Variants in SVIL observed in about 807,000 individuals in gnomAD.
SVIL encodes the protein supervillin.
In SVIL, 101 loss-of-function variants were observed where a neutral mutation model predicts 240.4. The observed-to-expected ratio is 0.42, with a 90% CI of 0.36 to 0.50. The LOEUF (loss-of-function observed/expected upper bound fraction) is 0.50. Among genes scored for constraint, SVIL ranks in the 20% least tolerant of loss-of-function variants. The pLI is 0.01. For synonymous variants in SVIL, 999 were observed against 1,100.0 expected (o/e 0.91, Z 1.82); for missense variants, 2,512 against 2,818.7 (o/e 0.89, Z 2.46).
At chr10:29,659,035 G>A (rs555795897) in intron 2 of SVIL, among the ~76,000 whole-genome samples, 1 of 152,282 alleles carries the variant, frequency 6.6e-6, no homozygotes, top group Non-Finnish European at 1.5e-5. Flanking sequence ...AAAGAGTGAG[G>A]GGAAACCCCA....
chr10:29,550,641 G>T lies in SVIL; in HGVS notation c.783C>A (p.Ser261Arg). Residue 261 changes from serine to arginine, a missense_variant, in exon 6 of 38, where the codon AGC (serine) becomes AGA (arginine). Physicochemically the swap from Ser to Arg is moderately radical, Grantham distance 110. Coordinates refer to ENST00000355867, the MANE Select transcript of SVIL (RefSeq NM_021738.3). ...ATAGCTGTGGGTCACCAAAGGAGGG[G>T]CTCCGGGAGGCTGCCTGCTGCAGGG... is the stretch of plus-strand genomic sequence containing the variant. ...SSSLQQAASR[S>R]PSFGDPQLSP... The T allele has an allele frequency of 6.2e-7, 1 of 1,613,656 alleles. No individual in the cohort carries two copies. The highest frequency in any genetic ancestry group is 8.5e-7 in the Non-Finnish European group (1 of 1,179,764).
chr10:29,514,612 C>T (rs1950087684), intron 16 of SVIL, among the ~76,000 whole-genome samples: 1 of 152,130 alleles, frequency 6.6e-6, no homozygotes, highest in Non-Finnish European at 1.5e-5. Context: ...GAACTCCTGG[C>T]CTCAAGCGAT....
In SVIL at chr10:29,484,013, A is replaced by G. The variant is rs1377430287; in HGVS notation, c.4955+643T>C. ...TTTTGGTCTGATAGTTGAAAAAACA[A>G]CAATCCTTTGCACGTAGGAATTATT... On this transcript the variant is annotated intron_variant, in intron 27 of 37. Transcript: ENST00000355867. The surrounding 1 kb of genome is among the most constrained non-coding windows in gnomAD (Gnocchi z 4.7). 6.6e-6 allele frequency: 1 copy of G among 152,232 alleles called. No individual in the cohort carries two copies. The highest frequency in any genetic ancestry group is 1.5e-5 in the Non-Finnish European group (1 of 68,048). The allele number at this position is 152,232 out of a possible 1,614,324, so 9.4% of individuals were successfully genotyped here.
intron 17 of SVIL, among the ~76,000 whole-genome samples, chr10:29,510,993 T>C (rs1288085145): frequency 1.5e-5 from 2 of 130,588 alleles, no homozygotes; most frequent in East Asian, 3.9e-4. Flanking sequence ...AAAGAGCTTA[T>C]TGTCTCCAGC....
In SVIL at chr10:29,533,035, G is replaced by A. The variant is rs182606942; in HGVS notation, c.1332C>T (p.Cys444=). 1 of 1,614,066 alleles carries A rather than the reference G, an allele frequency of 6.2e-7. No individual in the cohort carries two copies. Among genetic ancestry groups the A allele is most frequent in the Admixed American group, 1.7e-5 (1 of 60,016 alleles). ...GEGEEKEEDV[C]FTEALEQSKK... is the part of the protein sequence containing the mutation. ...TGCTTTGCTCGAGAGCTTCAGTGAA[G>A]CACACATCTTCTTCTTTTTCTTCTC... Residue 444 remains cysteine (C), a synonymous_variant, in exon 8 of 38, where the codon TGC becomes TGT. Coordinates refer to ENST00000355867, the MANE Select transcript of SVIL (RefSeq NM_021738.3).
chr10:29,647,325 C>CTTTTTCTTT, intron 3 of SVIL: 1 of 152,084 alleles, frequency 6.6e-6, no homozygotes, highest in African/African-American at 2.4e-5. Context: ...TTCTTGCTTT[C>CTTTTTCTTT]TTTTTCTTTT....
intron 2 of SVIL, among the ~76,000 whole-genome samples, chr10:29,661,709 G>C (rs938089321): frequency 6.6e-6 from 1 of 152,218 alleles, no homozygotes; most frequent in African/African-American, 2.4e-5. Flanking sequence ...ATCCTTTTAG[G>C]TTAATGTTTC....
chr10:29,465,336 C>T (rs976865856), intron 34 of SVIL, among the ~76,000 whole-genome samples: 3 of 152,200 alleles, frequency 2.0e-5, no homozygotes, highest in Non-Finnish European at 4.4e-5. Flanking sequence ...CTGTGGTGCT[C>T]AACCTGTTCT....
chr10:29,470,355 T>C lies in SVIL; in HGVS notation c.5764A>G (p.Ile1922Val), dbSNP rs1945424612. Residue 1922 changes from isoleucine (I) to valine (V), a missense_variant, in exon 32 of 38, where the codon ATC becomes GTC. Ile to Val is a conservative substitution (Grantham distance 29). Around this residue, in one of 3 missense-constraint regions of SVIL, gnomAD observed 797 missense variants for 925.3 expected, o/e 0.86. Coordinates refer to ENST00000355867, the MANE Select transcript of SVIL (RefSeq NM_021738.3). ...GCTTTGCATCCGTGCCACAGGTAGA[T>C]GAGGGCCTTGTTGACGTTAAGCACC... ...MVVLNVNKAL[I>V]YLWHGCKAQA... 2.5e-6 allele frequency: 4 copies of C among 1,614,078 alleles called. No individual in the cohort carries two copies. Among genetic ancestry groups the C allele is most frequent in the Non-Finnish European group, 3.4e-6 (4 of 1,180,040 alleles).
At chr10:29,555,228 G>T in intron 3 of SVIL, 120 bp from the exon 4 acceptor site, 1 of 1,038,934 alleles carries the variant, frequency 9.6e-7, no homozygotes, top group Non-Finnish European at 1.4e-6. Flanking sequence ...ATGTCACAGT[G>T]ACATGCAAAA....
At chr10:29,537,529 C>G (rs574608017) in intron 6 of SVIL, among the ~76,000 whole-genome samples, 1 of 152,296 alleles carries the variant, frequency 6.6e-6, no homozygotes, top group African/African-American at 2.4e-5. Context: ...GATTACTGCC[C>G]TGTCTCCTCT....
chr10:29,688,904 G>C (rs1961290501), intron 1 of SVIL, among the ~76,000 whole-genome samples: 1 of 152,164 alleles, frequency 6.6e-6, no homozygotes, highest in Non-Finnish European at 1.5e-5. Flanking sequence ...ACATTTATGA[G>C]ATAAGACTAG....
intron 2 of SVIL, 55 bp from the exon 3 acceptor site, chr10:29,563,347 G>A: frequency 1.2e-6 from 1 of 830,808 alleles, no homozygotes; most frequent in Non-Finnish European, 1.5e-6. Context: ...ATATATAAGT[G>A]AAAAAATGCA....
intron 1 of SVIL, among the ~76,000 whole-genome samples, chr10:29,699,710 T>C (rs755458412): frequency 7.9e-5 from 12 of 152,216 alleles, no homozygotes; most frequent in Non-Finnish European, 1.5e-4. Context: ...TACTGAGTGT[T>C]ACTGACGAGT....
Position 29,532,890 on chromosome 10 carries a change from G to A in SVIL, c.1477C>T (p.Leu493=). 5.6e-6 allele frequency: 9 copies of A among 1,614,128 alleles called. No individual in the cohort carries two copies. The highest frequency in any genetic ancestry group is 7.6e-6 in the Non-Finnish European group (9 of 1,180,018). The change falls in exon 8 of 38, where the codon CTG becomes TTG. Residue 493 remains leucine, a synonymous_variant. Coordinates refer to ENST00000355867, the MANE Select transcript of SVIL (RefSeq NM_021738.3). The stretch of plus-strand genomic sequence containing the variant: ...TGAGGGGGTTGTGCCACGTTTTCCA[G>A]TTCCTTCTGATGCTCTAAGGTGACT... ...STVTLEHQKE[L]ENVAQPPQAP...
chr10:29,725,784 C>A (rs1964250224), intron 1 of SVIL, among the ~76,000 whole-genome samples: 1 of 152,156 alleles, frequency 6.6e-6, no homozygotes, highest in South Asian at 2.1e-4. Flanking sequence ...GTTGGCAAAA[C>A]ATTGAATATG....
chr10:29,696,191 T>C (rs915844226), intron 1 of SVIL, among the ~76,000 whole-genome samples: 7 of 151,602 alleles, frequency 4.6e-5, no homozygotes, highest in Non-Finnish European at 1.0e-4. Flanking sequence ...TAGCCGCGAG[T>C]GTTCCGCCAG....
At chr10:29,545,808 T>C (rs1340336604) in intron 6 of SVIL, among the ~76,000 whole-genome samples, 1 of 131,872 alleles carries the variant, frequency 7.6e-6, no homozygotes, top group Non-Finnish European at 1.5e-5. Flanking sequence ...TGAGCCAAGA[T>C]TGCACCACTG....
At chr10:29,665,774 A>G (rs1589476845) in intron 2 of SVIL, among the ~76,000 whole-genome samples, 1 of 151,688 alleles carries the variant, frequency 6.6e-6, no homozygotes, top group South Asian at 2.1e-4. Context: ...AGCCTGGACA[A>G]CAGAGTGAGA....
Sources: allele counts gnomAD v4.1 joint callset (sites outside exome capture counted in the v4.1 genomes callset), GRCh38; gene constraint gnomAD v4.1.1; regional missense constraint gnomAD v4.1.1; non-coding constraint Gnocchi (gnomAD v3.1); transcripts MANE v1.5; gene names NCBI Gene and HGNC (gene_info 2026-07-23, HGNC 2026-07-21).